DNAJB14: variants seen among roughly 807,000 people sequenced by gnomAD.
The protein encoded by DNAJB14 is DnaJ heat shock protein family (Hsp40) member B14.
A neutral mutation model predicts 48.4 loss-of-function variants in DNAJB14; 22 were observed. The observed-to-expected ratio is 0.45, with a 90% confidence interval of 0.32 to 0.65. The LOEUF is 0.65. Ranked by LOEUF, DNAJB14 falls within the 30% of genes least tolerant of loss-of-function variation. DNAJB14 has a pLI of 0.03. For missense variants in DNAJB14, 319 were observed against 458.8 expected, an observed-to-expected ratio of 0.70 and a Z score of 2.78; for synonymous variants, 142 against 158.7, an observed-to-expected ratio of 0.89 and a Z score of 0.79.
chr4:99,920,256 G>A (rs1297269763), intron 3 of DNAJB14, among the ~76,000 whole-genome samples: 1 of 152,190 alleles, frequency 6.6e-6, no homozygotes, highest in Non-Finnish European at 1.5e-5. Context: ...ATTTGGGGAA[G>A]AGGATATCTC....
chr4:99,903,240 ATGAAGTGTTC>A (rs1725353892), intron 7 of DNAJB14, among the ~76,000 whole-genome samples: 1 of 152,188 alleles, frequency 6.6e-6, no homozygotes, highest in Non-Finnish European at 1.5e-5. Context: ...GCCTAAGCAA[ATGAAGTGTTC>A]TGAAGAGTCT....
At chr4:99,936,287 C>T (rs1392853144) in intron 1 of DNAJB14, among the ~76,000 whole-genome samples, 1 of 152,174 alleles carries the variant, frequency 6.6e-6, no homozygotes, top group Non-Finnish European at 1.5e-5. Context: ...AGAACAGAAT[C>T]ACAAACATGG....
intron 6 of DNAJB14, among the ~76,000 whole-genome samples, 183 bp from the exon 7 acceptor site, chr4:99,904,081 G>A (rs1287011717): frequency 6.6e-6 from 1 of 152,072 alleles, no homozygotes; most frequent in Non-Finnish European, 1.5e-5. Flanking sequence ...TCTGAGCATC[G>A]ACAAGATGGC....
Position 99,899,245 on chromosome 4 carries a change from T to C in DNAJB14, c.*1783A>G, listed in dbSNP as rs1444331788. Reference sequence around the variant, plus strand: ...TTGCCATTAAAATTAGAAAAATAAATAGATGAAATTTTTTTCATTCAAATT... The same window carrying C: ...TTGCCATTAAAATTAGAAAAATAAACAGATGAAATTTTTTTCATTCAAATT... On this transcript the variant is annotated 3_prime_UTR_variant, in exon 8 of 8. Coordinates refer to ENST00000442697, the MANE Select transcript of DNAJB14 (RefSeq NM_001031723.4). The C allele has an allele frequency of 6.6e-6, 1 of 151,870 alleles. No homozygotes were observed. The highest frequency in any genetic ancestry group is 1.5e-5 in the Non-Finnish European group (1 of 67,774). The allele number at this position is 151,870 out of a possible 1,614,324, so 9.4% of individuals were successfully genotyped here. A position where few individuals can be genotyped will look rare whatever the true frequency, so the allele number is the denominator to read the frequency against.
rs936244238 is a variant in DNAJB14 at position 99,938,274 on chromosome 4, GA to G, written c.134-7654del. 1.1e-3 allele frequency among the ~76,000 whole-genome samples: 99 copies of G among 86,840 alleles called. 1 individual carries two copies. In the East Asian group the frequency reaches 0.021, roughly 18 times the overall value. The allele number at this position is 86,840 out of a possible 152,430, so 57.0% of individuals were successfully genotyped here. ...TACTCATCAAAAATACCAAGGTCAA[GA>G]AAAAAAAAAAGATGGTATCTGGAGA... On this transcript the variant is annotated intron_variant, in intron 1 of 7. Coordinates refer to ENST00000442697, the MANE Select transcript of DNAJB14 (RefSeq NM_001031723.4).
At chr4:99,937,883 C>T (rs142069333) in intron 1 of DNAJB14, among the ~76,000 whole-genome samples, 1 of 147,356 alleles carries the variant, frequency 6.8e-6, no homozygotes, top group East Asian at 2.0e-4. Flanking sequence ...GAGTTCAAAA[C>T]CAGCCTGGAG....
intron 1 of DNAJB14, among the ~76,000 whole-genome samples, chr4:99,932,971 G>C (rs2110217676): frequency 6.6e-6 from 1 of 152,282 alleles, no homozygotes; most frequent in East Asian, 1.9e-4. Flanking sequence ...TGCCAAAGCT[G>C]GGGGTGCAGG....
At chr4:99,934,789 CAAAAAA>C (rs1167945149) in intron 1 of DNAJB14, among the ~76,000 whole-genome samples, 1 of 6,774 alleles carries the variant, frequency 1.5e-4, no homozygotes, top group South Asian at 0.011. Context: ...AAGACTGTCT[CAAAAAA>C]AAAAAAAAAA....
At chr4:99,932,713 C>A (rs1726520915) in intron 1 of DNAJB14, among the ~76,000 whole-genome samples, 1 of 152,074 alleles carries the variant, frequency 6.6e-6, no homozygotes, top group Admixed American at 6.6e-5. Flanking sequence ...CAACATTATT[C>A]ACAATGGCAA....
intron 1 of DNAJB14, among the ~76,000 whole-genome samples, chr4:99,935,687 AG>A (rs2110220299): frequency 7.0e-6 from 1 of 142,324 alleles, no homozygotes; most frequent in African/African-American, 2.8e-5. Flanking sequence ...AAAAATTATT[AG>A]GCTTCTTCCT....
At chr4:99,908,949 G>C (rs80018757) in intron 3 of DNAJB14, 53 bp from the exon 4 acceptor site, 25,632 of 1,298,330 alleles carry the variant, frequency 0.02, 346 homozygotes, top group African/African-American at 0.056. Flanking sequence ...ATTATAAAAG[G>C]CTGCCCCACA....
rs1176920929 is a variant in DNAJB14, at chr4:99,906,021, G to A, written c.733-315C>T. On this transcript the variant is annotated intron_variant, in intron 5 of 7. Coordinates refer to ENST00000442697, the MANE Select transcript of DNAJB14 (RefSeq NM_001031723.4). ...AGACGCTATCAATATGCTGCAGGCT[G>A]TAAAACCATTTTTTACCTTGGATTT... 6 of 1,314,270 alleles carry A rather than the reference G, an allele frequency of 4.6e-6. No individual in the cohort carries two copies. The East Asian group carries it at 2.3e-4, about 50-fold the overall frequency. 81.4% of individuals were successfully genotyped at this position (1,314,270 alleles called of 1,614,324 possible).
At chr4:99,939,517 A>T (rs541299378) in intron 1 of DNAJB14, among the ~76,000 whole-genome samples, 24 of 152,210 alleles carry the variant, frequency 1.6e-4, no homozygotes, top group African/African-American at 5.5e-4. Flanking sequence ...TTCCATGTTA[A>T]CACCTAGATT....
At chr4:99,908,943 T>A (rs906917896) in intron 3 of DNAJB14, 47 bp from the exon 4 acceptor site, 1 of 1,355,254 alleles carries the variant, frequency 7.4e-7, no homozygotes, top group Non-Finnish European at 9.8e-7. Context: ...TTTTATATTA[T>A]AAAAGGCTGC....
intron 3 of DNAJB14, among the ~76,000 whole-genome samples, chr4:99,913,212 G>A (rs1291389612): frequency 6.6e-6 from 1 of 152,036 alleles, no homozygotes; most frequent in Non-Finnish European, 1.5e-5. Flanking sequence ...ACTACTTCCT[G>A]CACTTTGTTG....
chr4:99,930,330 G>A, intron 2 of DNAJB14, 120 bp downstream of exon 2: 1 of 978,328 alleles, frequency 1.0e-6, no homozygotes, highest in South Asian at 2.2e-5. Context: ...GACACACCCA[G>A]AGTTCAATTC....
intron 2 of DNAJB14, chr4:99,924,996 T>A (rs940111194): frequency 3.4e-6 from 2 of 593,848 alleles, no homozygotes; most frequent in Non-Finnish European, 6.0e-6. Context: ...CTATTTGTTA[T>A]GGACTGCTGC....
At chr4:99,911,078 C>T (rs1180581217) in intron 3 of DNAJB14, among the ~76,000 whole-genome samples, 1 of 152,008 alleles carries the variant, frequency 6.6e-6, no homozygotes. Flanking sequence ...TCCATTTTGA[C>T]AGTTTTGTCA....
chr4:99,920,745 T>C (rs1337439852), intron 3 of DNAJB14, among the ~76,000 whole-genome samples: 1 of 152,238 alleles, frequency 6.6e-6, no homozygotes, highest in African/African-American at 2.4e-5. Flanking sequence ...CAATCTTTTT[T>C]ATTTTTAAAG....
Sources: gnomAD v4.1 joint callset for allele counts (sites outside exome capture counted in the v4.1 genomes callset) on GRCh38, gnomAD v4.1.1 for gene constraint, MANE v1.5 for transcripts, NCBI Gene and HGNC (gene_info 2026-07-23, HGNC 2026-07-21) for gene names.